Variants in GPR62 observed in about 807,000 individuals in gnomAD.
GPR62 encodes the protein G protein-coupled receptor 62, also known as G-protein coupled receptor GPCR8.
For missense variants in GPR62, 513 were observed against 541.5 expected, an observed-to-expected ratio of 0.95 and a Z score of 0.52; for synonymous variants, 280 against 286.9, an observed-to-expected ratio of 0.98 and a Z score of 0.24.
Position 51,956,435 on chromosome 3 carries a change from C to A in GPR62, c.783C>A (p.Cys261Ter), listed in dbSNP as rs1001722755. ...AACWLPYGCA[C>*]LAPAARAAEA... is the part of the protein sequence containing the mutation. ...GCTGGCTGCCTTATGGCTGCGCGTG[C>A]CTGGCGCCCGCAGCGCGGGCCGCGG... Residue 261 changes from cysteine (C) to a stop codon, truncating the protein, a stop_gained, in exon 1 of 1, where the codon TGC (cysteine) becomes TGA (stop). Coordinates refer to ENST00000322241, the MANE Select transcript of GPR62 (RefSeq NM_080865.4). LOFTEE classifies it low-confidence loss of function (END_TRUNC). 12 of 1,527,512 alleles carry A rather than the reference C, an allele frequency of 7.9e-6. No individual in the cohort carries two copies. The highest frequency in any genetic ancestry group is 9.6e-6 in the Non-Finnish European group (11 of 1,144,584). The allele number at this position is 1,527,512 out of a possible 1,614,324, so 94.6% of individuals were successfully genotyped here. A position where few individuals can be genotyped will look rare whatever the true frequency, so the allele number is the denominator to read the frequency against.
At position 51,955,677 on chromosome 3, in the gene GPR62, G is replaced by A; in HGVS notation, c.25G>A (p.Ala9Thr). 6.2e-7 allele frequency: 1 copy of A among 1,609,628 alleles called. No individual in the cohort carries two copies. The highest frequency in any genetic ancestry group is 1.1e-5 in the South Asian group (1 of 90,380). Residue 9 changes from alanine (A) to threonine (T), a missense_variant, in exon 1 of 1, where the codon GCC becomes ACC. Physicochemically the swap from Ala to Thr is moderately conservative, Grantham distance 58. Transcript: ENST00000322241. ...AATGGCCAACTCCACAGGGCTGAAC[G>A]CCTCAGAAGTCGCAGGCTCGTTGGG... The part of the protein sequence containing the change: MANSTGLN[A>T]SEVAGSLGLI...
rs1293975051 is a variant in GPR62 at position 51,955,946 on chromosome 3, G to A, written c.294G>A (p.Leu98=). Residue 98 remains leucine, a synonymous_variant, in exon 1 of 1, where the codon CTG becomes CTA. Coordinates refer to ENST00000322241, the MANE Select transcript of GPR62 (RefSeq NM_080865.4). ...CRAARFLSAA[L]LPACTLGVAA... ...CCGCTCGCTTCCTCTCCGCCGCTCT[G>A]CTGCCGGCCTGCACGCTCGGGGTGG... 2.1e-6 allele frequency: 3 copies of A among 1,409,512 alleles called. No homozygotes were observed. Among genetic ancestry groups the A allele is most frequent in the Middle Eastern group, 2.6e-4 (1 of 3,914 alleles). 87.3% of individuals were successfully genotyped at this position (1,409,512 alleles called of 1,614,324 possible).
chr3:51,956,978 C>G lies in GPR62; in HGVS notation c.*219C>G. On this transcript the variant is annotated 3_prime_UTR_variant, in exon 1 of 1. Transcript: ENST00000322241. ...ACCCTTCCTTAGGCCTCAGCTTTCC[C>G]ATCTGCACCCTGCAGCATCTCTAAG... is the stretch of plus-strand genomic sequence containing the variant. The G allele has an allele frequency of 2.8e-6, 2 of 704,730 alleles. No individual in the cohort carries two copies. Among genetic ancestry groups the G allele is most frequent in the Non-Finnish European group, 4.3e-6 (2 of 463,224 alleles). The allele number at this position is 704,730 out of a possible 1,614,324, so 43.7% of individuals were successfully genotyped here. A position where few individuals can be genotyped will look rare whatever the true frequency, so the allele number is the denominator to read the frequency against.
chr3:51,956,456 C>G lies in GPR62; in HGVS notation c.804C>G (p.Ala268=), dbSNP rs779053774. ...CGTGCCTGGCGCCCGCAGCGCGGGC[C>G]GCGGAAGCCGAAGCGGCTGTCACCT... The part of the protein sequence containing the change: ...GCACLAPAAR[A]AEAEAAVTWV... The change falls in exon 1 of 1, where the codon GCC becomes GCG. Residue 268 remains alanine (A), a synonymous_variant. Coordinates refer to ENST00000322241, the MANE Select transcript of GPR62 (RefSeq NM_080865.4). 1 of 1,537,186 alleles carries G rather than the reference C, an allele frequency of 6.5e-7. No homozygotes were observed. The highest frequency in any genetic ancestry group is 1.2e-5 in the South Asian group (1 of 83,660).
Position 51,956,035 on chromosome 3 carries a change from C to G in GPR62, c.383C>G (p.Pro128Arg), listed in dbSNP as rs1440577585. Residue 128 changes from proline (P) to arginine (R), a missense_variant, in exon 1 of 1, where the codon CCG becomes CGG. By Grantham distance (103) the Pro-to-Arg change is moderately radical. Coordinates refer to ENST00000322241, the MANE Select transcript of GPR62 (RefSeq NM_080865.4). ...VHPLRPGSRP[P>R]PVLVLTAVWA... The stretch of plus-strand genomic sequence containing the variant: ...CCGCTGCGGCCAGGCTCGCGGCCGC[C>G]GCCTGTGCTCGTGCTCACCGCCGTG... The G allele has an allele frequency of 7.0e-7, 1 of 1,433,470 alleles. No homozygotes were observed. Among genetic ancestry groups the G allele is most frequent in the South Asian group, 1.3e-5 (1 of 74,166 alleles). The allele number at this position is 1,433,470 out of a possible 1,614,324, so 88.8% of individuals were successfully genotyped here.
rs769566122 is a variant in GPR62 at position 51,956,290 on chromosome 3, C to A, written c.638C>A (p.Ser213Tyr). 1.9e-6 allele frequency: 3 copies of A among 1,567,396 alleles called. No homozygotes were observed. Among genetic ancestry groups the A allele is most frequent in the Non-Finnish European group, 1.7e-6 (2 of 1,167,962 alleles). The change falls in exon 1 of 1, where the codon TCC becomes TAC. Residue 213 changes from serine (S) to tyrosine (Y), a missense_variant. Ser to Tyr is a moderately radical substitution (Grantham distance 144). Transcript: ENST00000322241. ...ALRPPRPARGSRLHSDSLDSR... is the reference protein window; with the variant it reads ...ALRPPRPARGYRLHSDSLDSR... Reference sequence around the variant, plus strand: ...AGGCCCCCACGGCCGGCGCGCGGGTCCCGACTCCACTCGGACTCTCTGGAT... The same window carrying A: ...AGGCCCCCACGGCCGGCGCGCGGGTACCGACTCCACTCGGACTCTCTGGAT...
In GPR62 at chr3:51,955,867, C is replaced by T. The variant is rs1699830865; in HGVS notation, c.215C>T (p.Ala72Val). 2 of 1,418,786 alleles carry T rather than the reference C, an allele frequency of 1.4e-6. No homozygotes were observed. The highest frequency in any genetic ancestry group is 9.1e-7 in the Non-Finnish European group (1 of 1,095,338). The allele number at this position is 1,418,786 out of a possible 1,614,324, so 87.9% of individuals were successfully genotyped here. ...AASIMPLGLLAAPPPGLGRVR... is the reference protein window; with the variant it reads ...AASIMPLGLLVAPPPGLGRVR... ...TCCATCATGCCGCTGGGCCTGCTGGCCGCACCGCCGCCCGGGCTGGGCCGC... is the reference window on the plus strand; with the variant it reads ...TCCATCATGCCGCTGGGCCTGCTGGTCGCACCGCCGCCCGGGCTGGGCCGC... The change falls in exon 1 of 1, where the codon GCC becomes GTC. Residue 72 changes from alanine (A) to valine (V), a missense_variant. By Grantham distance (64) the Ala-to-Val change is moderately conservative (BLOSUM62 0). Transcript: ENST00000322241.
At position 51,955,714 on chromosome 3, in the gene GPR62, C is replaced by T; in HGVS notation, c.62C>T (p.Ala21Val). The change falls in exon 1 of 1, where the codon GCA becomes GTA. Residue 21 changes from alanine to valine, a missense_variant. Physicochemically the swap from Ala to Val is moderately conservative, Grantham distance 64 (BLOSUM62 0). Coordinates refer to ENST00000322241, the MANE Select transcript of GPR62 (RefSeq NM_080865.4). ...EVAGSLGLIL[A>V]AVVEVGALLG... The stretch of plus-strand genomic sequence containing the variant: ...GCAGGCTCGTTGGGGTTGATCCTGG[C>T]AGCTGTCGTGGAGGTGGGGGCACTG... 6.2e-7 allele frequency: 1 copy of T among 1,609,072 alleles called. No homozygotes were observed. The highest frequency in any genetic ancestry group is 8.5e-7 in the Non-Finnish European group (1 of 1,177,772).
chr3:51,955,821 G>T lies in GPR62; in HGVS notation c.169G>T (p.Val57Leu). Residue 57 changes from valine to leucine, a missense_variant, in exon 1 of 1, where the codon GTG becomes TTG. Transcript: ENST00000322241. ...DALYLAHLCV[V>L]DLLAAASIMP... ...GCTCTACCTGGCGCACCTGTGCGTCGTGGACCTGCTGGCGGCCGCCTCCAT... is the reference window on the plus strand; with the variant it reads ...GCTCTACCTGGCGCACCTGTGCGTCTTGGACCTGCTGGCGGCCGCCTCCAT... 1 of 1,546,938 alleles carries T rather than the reference G, an allele frequency of 6.5e-7. No individual in the cohort carries two copies. The highest frequency in any genetic ancestry group is 8.7e-7 in the Non-Finnish European group (1 of 1,151,864).
Position 51,956,545 on chromosome 3 carries a change from G to T in GPR62, c.893G>T (p.Arg298Leu), listed in dbSNP as rs1268433392. Residue 298 changes from arginine to leucine, a missense_variant, in exon 1 of 1, where the codon CGC becomes CTC. Coordinates refer to ENST00000322241, the MANE Select transcript of GPR62 (RefSeq NM_080865.4). ...TACGGGCTGCTGCAGCGCCCCGTGC[G>T]CTTGGCACTGGGCCGCCTCTCTCGC... ...FLYGLLQRPVRLALGRLSRRA... is the reference protein window; with the variant it reads ...FLYGLLQRPVLLALGRLSRRA... The T allele has an allele frequency of 6.2e-7, 1 of 1,608,428 alleles. No individual in the cohort carries two copies. The highest frequency in any genetic ancestry group is 8.5e-7 in the Non-Finnish European group (1 of 1,178,416).
In GPR62 at chr3:51,956,319, C is replaced by T; in HGVS notation, c.667C>T (p.Arg223Cys). The change falls in exon 1 of 1, where the codon CGC (arginine) becomes TGC (cysteine). Residue 223 changes from arginine to cysteine, a missense_variant. Arg to Cys is a radical substitution (Grantham distance 180). Coordinates refer to ENST00000322241, the MANE Select transcript of GPR62 (RefSeq NM_080865.4). Reference sequence around the variant, plus strand: ...ACTCCACTCGGACTCTCTGGATAGCCGCCTTTCCATCTTGCCGCCGCTCCG... The same window carrying T: ...ACTCCACTCGGACTCTCTGGATAGCTGCCTTTCCATCTTGCCGCCGCTCCG... ...SRLHSDSLDS[R>C]LSILPPLRPR... is the part of the protein sequence containing the mutation. 6.4e-7 allele frequency: 1 copy of T among 1,573,170 alleles called. No individual in the cohort carries two copies. The highest frequency in any genetic ancestry group is 8.5e-7 in the Non-Finnish European group (1 of 1,170,076).
rs763235058 is a variant in GPR62 at position 51,956,649 on chromosome 3, C to T, written c.997C>T (p.Pro333Ser). The change falls in exon 1 of 1, where the codon CCC becomes TCC. Residue 333 changes from proline (P) to serine (S), a missense_variant. Physicochemically the swap from Pro to Ser is moderately conservative, Grantham distance 74. Coordinates refer to ENST00000322241, the MANE Select transcript of GPR62 (RefSeq NM_080865.4). ...PRALLQCLQR[P>S]PEGPAVGPSE... Reference sequence around the variant, plus strand: ...GGCACTCTTGCAATGCCTCCAGAGACCCCCAGAGGGCCCTGCCGTAGGCCC... The same window carrying T: ...GGCACTCTTGCAATGCCTCCAGAGATCCCCAGAGGGCCCTGCCGTAGGCCC... 2.5e-6 allele frequency: 4 copies of T among 1,612,844 alleles called. No individual in the cohort carries two copies. The highest frequency in any genetic ancestry group is 3.4e-6 in the Non-Finnish European group (4 of 1,179,974).
At position 51,956,729 on chromosome 3, in the gene GPR62, C is replaced by G; in HGVS notation, c.1077C>G (p.Tyr359Ter). Residue 359 changes from tyrosine (Y) to a stop codon, truncating the protein, a stop_gained, in exon 1 of 1, where the codon TAC becomes TAG. Transcript: ENST00000322241. LOFTEE classifies it high-confidence loss of function. Reference protein sequence around the residue: ...PELAGGRSPAYQGPPESSLS With the variant: ...PELAGGRSPA ...TGGCAGGAGGGCGGAGCCCCGCATA[C>G]CAGGGGCCACCTGAGAGTTCTCTCT... is the stretch of plus-strand genomic sequence containing the variant. 2 of 1,609,376 alleles carry G rather than the reference C, an allele frequency of 1.2e-6. No individual in the cohort carries two copies. The highest frequency in any genetic ancestry group is 1.1e-5 in the South Asian group (1 of 90,760).
chr3:51,955,554 A>G lies in GPR62; in HGVS notation c.-99A>G. On this transcript the variant is annotated 5_prime_UTR_variant, in exon 1 of 1. Coordinates refer to ENST00000322241, the MANE Select transcript of GPR62 (RefSeq NM_080865.4). ...AATGAGGTGAGGGGCCGGAGGAGCA[A>G]GGGACAAGAGGAGCAGAGGACAGGT... is the stretch of plus-strand genomic sequence containing the variant. The G allele has an allele frequency of 9.4e-7, 1 of 1,069,126 alleles. No individual in the cohort carries two copies. Among genetic ancestry groups the G allele is most frequent in the East Asian group, 3.1e-5 (1 of 32,608 alleles). The allele number at this position is 1,069,126 out of a possible 1,614,324, so 66.2% of individuals were successfully genotyped here. A position where few individuals can be genotyped will look rare whatever the true frequency, so the allele number is the denominator to read the frequency against.
At position 51,956,406 on chromosome 3, in the gene GPR62, G is replaced by T; in HGVS notation, c.754G>T (p.Ala252Ser). Residue 252 changes from alanine (A) to serine (S), a missense_variant, in exon 1 of 1, where the codon GCC becomes TCC. By Grantham distance (99) the Ala-to-Ser change is moderately conservative. Coordinates refer to ENST00000322241, the MANE Select transcript of GPR62 (RefSeq NM_080865.4). ...AGCGCTGGCCGTGGGCCAATTTGCA[G>T]CCTGCTGGCTGCCTTATGGCTGCGC... ...APALAVGQFA[A>S]CWLPYGCACL... 6.5e-7 allele frequency: 1 copy of T among 1,526,746 alleles called. No individual in the cohort carries two copies. The allele number at this position is 1,526,746 out of a possible 1,614,324, so 94.6% of individuals were successfully genotyped here. A position where few individuals can be genotyped will look rare whatever the true frequency, so the allele number is the denominator to read the frequency against.
At position 51,956,292 on chromosome 3, in the gene GPR62, C is replaced by T; in HGVS notation, c.640C>T (p.Arg214Ter). ...GCCCCCACGGCCGGCGCGCGGGTCC[C>T]GACTCCACTCGGACTCTCTGGATAG... ...LRPPRPARGSRLHSDSLDSRL... is the reference protein window; with the variant it reads ...LRPPRPARGS Residue 214 changes from arginine to a stop codon, truncating the protein, a stop_gained, in exon 1 of 1, where the codon CGA becomes TGA. Transcript: ENST00000322241. LOFTEE classifies it low-confidence loss of function (END_TRUNC). 3 of 1,567,446 alleles carry T rather than the reference C, an allele frequency of 1.9e-6. No homozygotes were observed. The highest frequency in any genetic ancestry group is 2.6e-6 in the Non-Finnish European group (3 of 1,168,002).
chr3:51,955,857 G>A lies in GPR62; in HGVS notation c.205G>A (p.Gly69Ser). ...GGCGGCCGCCTCCATCATGCCGCTGGGCCTGCTGGCCGCACCGCCGCCCGG... is the reference window on the plus strand; with the variant it reads ...GGCGGCCGCCTCCATCATGCCGCTGAGCCTGCTGGCCGCACCGCCGCCCGG... ...LLAAASIMPL[G>S]LLAAPPPGLG... Residue 69 changes from glycine (G) to serine (S), a missense_variant, in exon 1 of 1, where the codon GGC becomes AGC. By Grantham distance (56) the Gly-to-Ser change is moderately conservative (BLOSUM62 0). Transcript: ENST00000322241. 1 of 1,450,658 alleles carries A rather than the reference G, an allele frequency of 6.9e-7. No homozygotes were observed. Among genetic ancestry groups the A allele is most frequent in the Non-Finnish European group, 9.0e-7 (1 of 1,110,032 alleles). 89.9% of individuals were successfully genotyped at this position (1,450,658 alleles called of 1,614,324 possible).
Position 51,956,426 on chromosome 3 carries a change from C to G in GPR62, c.774C>G (p.Gly258=). 1.3e-6 allele frequency: 2 copies of G among 1,526,682 alleles called. No individual in the cohort carries two copies. Among genetic ancestry groups the G allele is most frequent in the Non-Finnish European group, 1.7e-6 (2 of 1,144,384 alleles). 94.6% of individuals were successfully genotyped at this position (1,526,682 alleles called of 1,614,324 possible). ...TTGCAGCCTGCTGGCTGCCTTATGG[C>G]TGCGCGTGCCTGGCGCCCGCAGCGC... ...GQFAACWLPY[G]CACLAPAARA... The change falls in exon 1 of 1, where the codon GGC becomes GGG. Residue 258 remains glycine, a synonymous_variant. Transcript: ENST00000322241.
At position 51,956,674 on chromosome 3, in the gene GPR62, C is replaced by A; in HGVS notation, c.1022C>A (p.Pro341His). The change falls in exon 1 of 1, where the codon CCT (proline) becomes CAT (histidine). Residue 341 changes from proline to histidine, a missense_variant. Physicochemically the swap from Pro to His is moderately conservative, Grantham distance 77. Coordinates refer to ENST00000322241, the MANE Select transcript of GPR62 (RefSeq NM_080865.4). Reference protein sequence around the residue: ...QRPPEGPAVGPSEAPEQTPEL... With the variant: ...QRPPEGPAVGHSEAPEQTPEL... The stretch of plus-strand genomic sequence containing the variant: ...CCCCCAGAGGGCCCTGCCGTAGGCC[C>A]TTCTGAGGCTCCAGAACAGACCCCC... 6.2e-7 allele frequency: 1 copy of A among 1,613,138 alleles called. No individual in the cohort carries two copies. The highest frequency in any genetic ancestry group is 1.1e-5 in the South Asian group (1 of 91,086).
Sources: gnomAD v4.1 joint callset for allele counts on GRCh38, gnomAD v4.1.1 for gene constraint, MANE v1.5 for transcripts, NCBI Gene and HGNC (gene_info 2026-07-23, HGNC 2026-07-21) for gene names.